Variants in DYNC2LI1 observed in about 807,000 individuals in gnomAD.
The protein encoded by DYNC2LI1 is dynein cytoplasmic 2 light intermediate chain 1.
DYNC2LI1 carries 45 observed loss-of-function variants against 51.9 expected under a neutral mutation model. The ratio of observed to expected loss-of-function variants is 0.87; its 90% CI spans 0.68 to 1.11. DYNC2LI1 has a LOEUF of 1.11. Ranked by LOEUF, DYNC2LI1 falls within the 50% of genes most tolerant of loss-of-function variation. DYNC2LI1 has a pLI of 0.00. For missense variants in DYNC2LI1, 490 were observed against 417.4 expected (o/e 1.17, Z -1.51); for synonymous variants, 130 against 137.8 (o/e 0.94, Z 0.40).
chr2:43,783,442 G>C (rs1558668595), intron 2 of DYNC2LI1, 78 bp from the exon 3 acceptor site: 1 of 1,073,134 alleles, frequency 9.3e-7, no homozygotes, highest in Non-Finnish European at 1.4e-6. Context: ...ATCTATTTTG[G>C]GCCACAATTA....
chr2:43,817,564 A>C, the DYNC2LI1 span, among the ~76,000 whole-genome samples: 1 of 152,120 alleles, frequency 6.6e-6, no homozygotes, highest in South Asian at 2.1e-4. Flanking sequence ...GCTTCTTATG[A>C]TGGGGTTACT....
At chr2:43,774,746 G>A (rs1672933900) in intron 1 of DYNC2LI1, among the ~76,000 whole-genome samples, 1 of 152,200 alleles carries the variant, frequency 6.6e-6, no homozygotes, top group Admixed American at 6.5e-5. Context: ...CTCTCCTTGG[G>A]ATAGTGTGGA....
chr2:43,781,043 A>C (rs193232412), intron 2 of DYNC2LI1, among the ~76,000 whole-genome samples: 1 of 152,144 alleles, frequency 6.6e-6, no homozygotes, highest in South Asian at 2.1e-4. Context: ...GTTACCATAT[A>C]GTGCTATACA....
At chr2:43,810,319 A>G, downstream of DYNC2LI1, 1 of 977,012 alleles carries the variant, frequency 1.0e-6, no homozygotes, top group Non-Finnish European at 1.2e-6. Flanking sequence ...TTTAATCAGC[A>G]CCAATTTCAC....
intron 7 of DYNC2LI1, 97 bp downstream of exon 7, chr2:43,796,055 T>A: frequency 1.1e-6 from 1 of 889,446 alleles, no homozygotes; most frequent in Non-Finnish European, 1.7e-6. Context: ...GAAAAATAAT[T>A]ATTGAAGGAA....
chr2:43,821,701 T>G, the DYNC2LI1 span, among the ~76,000 whole-genome samples: 1 of 152,128 alleles, frequency 6.6e-6, no homozygotes, highest in East Asian at 1.9e-4. Context: ...AAGATTTCCT[T>G]GTTGTGTCTT....
At chr2:43,794,326 T>G in intron 5 of DYNC2LI1, 131 bp from the exon 6 acceptor site, 1 of 1,031,620 alleles carries the variant, frequency 9.7e-7, no homozygotes, top group Admixed American at 2.9e-5. Context: ...TTGGGAGTCT[T>G]AGAATAATGC....
chr2:43,783,696 CT>C, intron 3 of DYNC2LI1, 142 bp downstream of exon 3: 1 of 525,054 alleles, frequency 1.9e-6, no homozygotes. Flanking sequence ...TTAGTATAAC[CT>C]TTAAGAGCGC....
the DYNC2LI1 span, among the ~76,000 whole-genome samples, chr2:43,819,420 A>G: frequency 6.6e-6 from 1 of 152,004 alleles, no homozygotes; most frequent in Non-Finnish European, 1.5e-5. Context: ...AATTACTGCT[A>G]TCATTTGGTG....
Position 43,805,225 on chromosome 2 carries a change from G to A in DYNC2LI1, c.972G>A (p.Glu324=). The part of the protein sequence containing the change: ...DPQYAENEVD[E]MRIQKDLELE... ...AGTATGCTGAAAATGAAGTCGATGA[G>A]ATGAGAATTCAGAAGGATCTGGTAT... Residue 324 remains glutamate (E), a synonymous_variant, in exon 12 of 13, where the codon GAG becomes GAA. Coordinates refer to ENST00000260605, the MANE Select transcript of DYNC2LI1 (RefSeq NM_016008.4). 1 of 1,608,830 alleles carries A rather than the reference G, an allele frequency of 6.2e-7. No homozygotes were observed. The highest frequency in any genetic ancestry group is 8.5e-7 in the Non-Finnish European group (1 of 1,175,494).
chr2:43,820,334 G>A, the DYNC2LI1 span, among the ~76,000 whole-genome samples: 1 of 152,120 alleles, frequency 6.6e-6, no homozygotes, highest in Non-Finnish European at 1.5e-5. Flanking sequence ...CCCTTTCACG[G>A]CTCCTTCAGC....
At chr2:43,796,897 G>C (rs1199998295) in intron 8 of DYNC2LI1, 102 bp downstream of exon 8, 2 of 885,308 alleles carry the variant, frequency 2.3e-6, no homozygotes, top group Non-Finnish European at 3.7e-6. Flanking sequence ...TTTTGCTAAT[G>C]CACATGGTCC....
At chr2:43,810,830 T>C (rs1240077431), downstream of DYNC2LI1, among the ~76,000 whole-genome samples, 3 of 152,146 alleles carry the variant, frequency 2.0e-5, no homozygotes, top group Admixed American at 6.6e-5. Context: ...CAGTGAACAT[T>C]ATGATCTCAG....
Position 43,801,629 on chromosome 2 carries a change from C to G in DYNC2LI1, c.732-10C>G, listed in dbSNP as rs1401027167. 2 of 1,600,758 alleles carry G rather than the reference C, an allele frequency of 1.2e-6. No individual in the cohort carries two copies. The highest frequency in any genetic ancestry group is 2.7e-5 in the African/African-American group (2 of 74,628). On this transcript the variant is annotated splice_polypyrimidine_tract_variant and intron_variant, in intron 9 of 12. Transcript: ENST00000260605. ...TAAACTAATTTAGAATCTTTCTCTTCTCCACGTAGCAAATCAATATGTGTG... is the reference window on the plus strand; with the variant it reads ...TAAACTAATTTAGAATCTTTCTCTTGTCCACGTAGCAAATCAATATGTGTG...
the DYNC2LI1 span, among the ~76,000 whole-genome samples, chr2:43,818,964 C>T: frequency 6.6e-6 from 1 of 152,114 alleles, no homozygotes; most frequent in Non-Finnish European, 1.5e-5. Flanking sequence ...AGCCTCTCTC[C>T]ACGAAGTCAC....
At chr2:43,822,612 C>G in the DYNC2LI1 span, 1 of 985,254 alleles carries the variant, frequency 1.0e-6, no homozygotes. Context: ...CTCCTGCAAC[C>G]CACAGTTGGG....
At chr2:43,806,529 C>G (rs1666261792) in intron 12 of DYNC2LI1, among the ~76,000 whole-genome samples, 1 of 152,164 alleles carries the variant, frequency 6.6e-6, no homozygotes, top group African/African-American at 2.4e-5. Flanking sequence ...GTTGTAGAAA[C>G]AGGAAAATGA....
chr2:43,778,507 A>G (rs996236363), intron 2 of DYNC2LI1, among the ~76,000 whole-genome samples: 1 of 152,226 alleles, frequency 6.6e-6, no homozygotes, highest in African/African-American at 2.4e-5. Flanking sequence ...CATATTAGGC[A>G]TAGTACTTAA....
the DYNC2LI1 span, among the ~76,000 whole-genome samples, chr2:43,815,545 T>A: frequency 2.4e-4 from 36 of 152,336 alleles, no homozygotes; most frequent in African/African-American, 7.9e-4. Flanking sequence ...TTCAGTTTCC[T>A]AAGGCACAAC....
Sources: gnomAD v4.1 joint callset for allele counts (sites outside exome capture counted in the v4.1 genomes callset) on GRCh38, gnomAD v4.1.1 for gene constraint, MANE v1.5 for transcripts, NCBI Gene and HGNC (gene_info 2026-07-23, HGNC 2026-07-21) for gene names.